EXT1: variants seen among roughly 807,000 people sequenced by gnomAD.
EXT1 encodes exostosin glycosyltransferase 1.
Under a neutral mutation model 82.5 loss-of-function variants are expected in EXT1, and 20 were observed. The ratio of observed to expected loss-of-function variants is 0.24; its 90% CI spans 0.17 to 0.35. The LOEUF is 0.35. Among genes scored for constraint, EXT1 ranks in the 10% least tolerant of loss-of-function variants. EXT1 has a pLI of 1.00. For missense variants in EXT1, 757 were observed against 936.5 expected, an observed-to-expected ratio of 0.81 and a Z score of 2.50; for synonymous variants, 348 against 350.8, an observed-to-expected ratio of 0.99 and a Z score of 0.09.
intron 1 of EXT1, among the ~76,000 whole-genome samples, chr8:118,040,243 T>C (rs937926660): frequency 5.9e-5 from 9 of 152,196 alleles, no homozygotes; most frequent in African/African-American, 2.2e-4. Context: ...TTTGCAATTC[T>C]CTCTTCCTCT....
intron 1 of EXT1, among the ~76,000 whole-genome samples, chr8:118,028,791 G>A (rs1563633788): frequency 6.6e-6 from 1 of 151,904 alleles, no homozygotes; most frequent in Non-Finnish European, 1.5e-5. Flanking sequence ...GTGTGGTGGT[G>A]CATGCCTATA....
intron 1 of EXT1, among the ~76,000 whole-genome samples, chr8:117,976,220 T>A (rs1563618288): frequency 6.6e-6 from 1 of 152,206 alleles, no homozygotes; most frequent in Non-Finnish European, 1.5e-5. Flanking sequence ...TTATCTTGCA[T>A]TAAAAATACC....
intron 1 of EXT1, among the ~76,000 whole-genome samples, chr8:118,003,689 T>C (rs550340904): frequency 1.3e-5 from 2 of 152,322 alleles, no homozygotes; most frequent in East Asian, 3.9e-4. Context: ...AGTTAAAATA[T>C]GTACTTACTC....
chr8:118,103,416 T>C (rs1210423211), intron 1 of EXT1, among the ~76,000 whole-genome samples: 1 of 152,184 alleles, frequency 6.6e-6, no homozygotes, highest in African/African-American at 2.4e-5. Context: ...CCTTCCAAAG[T>C]GCTGGGATTA....
intron 1 of EXT1, among the ~76,000 whole-genome samples, chr8:117,877,905 A>G (rs11993275): frequency 0.15 from 22,285 of 152,244 alleles, 1,713 homozygotes; most frequent in African/African-American, 0.19. Flanking sequence ...TCAAGTGATT[A>G]AAGACACCTT....
At chr8:117,940,869 G>T (rs755087791) in intron 1 of EXT1, among the ~76,000 whole-genome samples, 2 of 152,154 alleles carry the variant, frequency 1.3e-5, no homozygotes, top group Non-Finnish European at 2.9e-5. Flanking sequence ...CTGGGATCTT[G>T]CAGGGGAAAT....
chr8:117,928,128 G>GTTGA (rs1353333873), intron 1 of EXT1, among the ~76,000 whole-genome samples: 1 of 152,218 alleles, frequency 6.6e-6, no homozygotes. Flanking sequence ...GACCTTTGGA[G>GTTGA]TTGATAGAGA....
At chr8:117,814,452 A>T (rs1469523881) in intron 7 of EXT1, among the ~76,000 whole-genome samples, 3 of 152,108 alleles carry the variant, frequency 2.0e-5, no homozygotes, top group African/African-American at 7.2e-5. Context: ...AGTCCTTCAT[A>T]TATATCATCG....
intron 1 of EXT1, among the ~76,000 whole-genome samples, chr8:117,841,870 A>G (rs1390066289): frequency 6.6e-6 from 1 of 152,194 alleles, no homozygotes; most frequent in Non-Finnish European, 1.5e-5. Context: ...TGTAGGAAAC[A>G]CATTTTTGCT....
At chr8:118,045,947 C>T (rs983561857) in intron 1 of EXT1, among the ~76,000 whole-genome samples, 3 of 152,018 alleles carry the variant, frequency 2.0e-5, no homozygotes, top group Non-Finnish European at 4.4e-5. Flanking sequence ...AGGCACATAT[C>T]ACCACACACA....
At chr8:118,096,887 TA>T (rs1358282993) in intron 1 of EXT1, among the ~76,000 whole-genome samples, 1 of 152,198 alleles carries the variant, frequency 6.6e-6, no homozygotes, top group Non-Finnish European at 1.5e-5. Flanking sequence ...AGAGACTCCA[TA>T]CTTTGAATAT....
At chr8:118,037,106 T>C (rs1441245617) in intron 1 of EXT1, among the ~76,000 whole-genome samples, 1 of 152,204 alleles carries the variant, frequency 6.6e-6, no homozygotes, top group Non-Finnish European at 1.5e-5. Context: ...TCAATTCCTA[T>C]GTCCATGTTG....
chr8:117,851,649 A>ACACACACC (rs1338244180), intron 1 of EXT1, among the ~76,000 whole-genome samples: 1 of 144,502 alleles, frequency 6.9e-6, no homozygotes, highest in East Asian at 2.0e-4. Context: ...ACACACACAC[A>ACACACACC]CCATTATTTA....
intron 1 of EXT1, among the ~76,000 whole-genome samples, chr8:117,902,399 A>G (rs1399632847): frequency 6.6e-6 from 1 of 152,370 alleles, no homozygotes; most frequent in East Asian, 1.9e-4. Context: ...CTATACTTTC[A>G]TAAAACTGGC....
At chr8:118,091,732 G>A (rs1024010374) in intron 1 of EXT1, among the ~76,000 whole-genome samples, 17 of 151,898 alleles carry the variant, frequency 1.1e-4, no homozygotes, top group African/African-American at 4.1e-4. Flanking sequence ...GCGACAGAGC[G>A]AGACTCCATC....
chr8:117,938,011 C>T (rs758477513), intron 1 of EXT1, among the ~76,000 whole-genome samples: 32 of 152,304 alleles, frequency 2.1e-4, no homozygotes, highest in Admixed American at 1.7e-3. Flanking sequence ...AACTGCAGTA[C>T]CAGACACCTC....
At chr8:117,916,004 C>A (rs908118049) in intron 1 of EXT1, among the ~76,000 whole-genome samples, 2 of 152,208 alleles carry the variant, frequency 1.3e-5, no homozygotes, top group African/African-American at 4.8e-5. Context: ...AGTTTTATCA[C>A]AGGAAACCGT....
intron 1 of EXT1, among the ~76,000 whole-genome samples, chr8:118,000,191 G>C (rs1207079464): frequency 6.6e-6 from 1 of 152,100 alleles, no homozygotes; most frequent in Non-Finnish European, 1.5e-5. Flanking sequence ...GTAATAAATA[G>C]ATCTGTGTGT....
intron 1 of EXT1, among the ~76,000 whole-genome samples, chr8:117,940,947 G>T (rs933109428): frequency 6.6e-6 from 1 of 152,102 alleles, no homozygotes; most frequent in Non-Finnish European, 1.5e-5. Context: ...TGATATGGGG[G>T]TCTCCATGGG....
Sources: allele counts gnomAD v4.1 joint callset (sites outside exome capture counted in the v4.1 genomes callset), GRCh38; gene constraint gnomAD v4.1.1; transcripts MANE v1.5; gene names NCBI Gene and HGNC (gene_info 2026-07-23, HGNC 2026-07-21).